The following SCAPER variants were observed in gnomAD, a reference collection of about 807,000 sequenced individuals.
SCAPER encodes the protein S-phase cyclin A associated protein in the ER.
Under a neutral mutation model 182.2 loss-of-function variants are expected in SCAPER, and 98 were observed. That is an observed-to-expected ratio of 0.54 (90% CI 0.46 to 0.64). SCAPER has a LOEUF of 0.64. SCAPER is among the 30% of genes least tolerant of loss of function. SCAPER has a pLI of 0.00. For synonymous variants in SCAPER, 605 were observed against 564.6 expected, an observed-to-expected ratio of 1.07 and a Z score of -1.01; for missense variants, 1,432 against 1,690.0, an observed-to-expected ratio of 0.85 and a Z score of 2.68.
At chr15:76,611,211 T>A (rs1397393325) in intron 22 of SCAPER, among the ~76,000 whole-genome samples, 1 of 151,540 alleles carries the variant, frequency 6.6e-6, no homozygotes. Flanking sequence ...AGTATCCTTA[T>A]GCAAAAAAAT....
At chr15:76,545,970 C>T (rs998615556) in intron 23 of SCAPER, among the ~76,000 whole-genome samples, 1 of 152,104 alleles carries the variant, frequency 6.6e-6, no homozygotes, top group East Asian at 1.9e-4. Context: ...CCAGAGCTCA[C>T]ACAGGGCAGG....
intron 26 of SCAPER, among the ~76,000 whole-genome samples, chr15:76,432,626 G>A (rs1360455260): frequency 6.6e-6 from 1 of 152,200 alleles, no homozygotes; most frequent in Non-Finnish European, 1.5e-5. Flanking sequence ...AACACCAGAT[G>A]AAACTCTGTT....
intron 20 of SCAPER, among the ~76,000 whole-genome samples, chr15:76,667,103 C>T (rs1391320575): frequency 6.6e-6 from 1 of 152,192 alleles, no homozygotes; most frequent in Non-Finnish European, 1.5e-5. Flanking sequence ...TTCCTTAGCT[C>T]TCATTCGCTC....
intron 31 of SCAPER, chr15:76,351,013 CT>C (rs1349868876): frequency 2.5e-6 from 1 of 407,506 alleles, no homozygotes; most frequent in East Asian, 3.8e-5. Context: ...GATATTTGTG[CT>C]TTTCTTTTAC....
chr15:76,731,902 T>G (rs1299503244), intron 16 of SCAPER, among the ~76,000 whole-genome samples: 4 of 152,200 alleles, frequency 2.6e-5, no homozygotes, highest in Non-Finnish European at 5.9e-5. Context: ...AGTCATCATT[T>G]TTAAACGAAA....
chr15:76,682,538 C>T lies in SCAPER; in HGVS notation c.2509-16749G>A, dbSNP rs567027560. ...GGCCACAGTCCAGCTCCCACTGCTA[C>T]GCCACCATAGCCAACATGAGTATAC... is the stretch of plus-strand genomic sequence containing the variant. On this transcript the variant is annotated intron_variant, in intron 20 of 31. Transcript: ENST00000563290. 2.0e-3 allele frequency among the ~76,000 whole-genome samples: 299 copies of T among 152,000 alleles called. 1 individual carries two copies. The highest frequency in any genetic ancestry group is 6.9e-3 in the African/African-American group (283 of 41,266).
At chr15:76,518,126 GAAATGTGGGA>G (rs2042576450) in intron 23 of SCAPER, among the ~76,000 whole-genome samples, 2 of 152,184 alleles carry the variant, frequency 1.3e-5, no homozygotes, top group African/African-American at 4.8e-5. Flanking sequence ...AAGGTGGCAG[GAAATGTGGGA>G]AAATGTGGGA....
chr15:76,895,501 T>C (rs1345410474), intron 1 of SCAPER, among the ~76,000 whole-genome samples: 2 of 40,716 alleles, frequency 4.9e-5, no homozygotes, highest in African/African-American at 1.4e-4. Context: ...TTTTTTTTCT[T>C]GACTAAGAAA....
At chr15:76,587,255 T>C (rs944242848) in intron 22 of SCAPER, among the ~76,000 whole-genome samples, 3 of 152,192 alleles carry the variant, frequency 2.0e-5, no homozygotes, top group African/African-American at 7.2e-5. Context: ...GTTTCATTTA[T>C]CTGTTGTATT....
Position 76,497,124 on chromosome 15 carries a change from T to TTTTTTTTTTTTTC in SCAPER, c.2954+7734_2954+7735insGAAAAAAAAAAAA, listed in dbSNP as rs1555456895. ...TTGGTCTCCTCTTTTTTTTTTTTTT[T>TTTTTTTTTTTTTC]CCCAAAACGGCCTTCCTTAGTCCTG... On this transcript the variant is annotated intron_variant, in intron 24 of 31. Coordinates refer to ENST00000563290, the MANE Select transcript of SCAPER (RefSeq NM_020843.4). Among the ~76,000 whole-genome samples, 467 of 139,414 alleles carry TTTTTTTTTTTTTC rather than the reference T, an allele frequency of 3.3e-3. 13 individuals are homozygous for TTTTTTTTTTTTTC. The highest frequency in any genetic ancestry group is 0.01 in the African/African-American group (361 of 35,360). The allele number at this position is 139,414 out of a possible 152,430, so 91.5% of individuals were successfully genotyped here.
chr15:76,847,967 A>G (rs1459044236), intron 4 of SCAPER, among the ~76,000 whole-genome samples: 1 of 152,154 alleles, frequency 6.6e-6, no homozygotes, highest in Non-Finnish European at 1.5e-5. Context: ...CTCTCCCTGT[A>G]TTTAGCAGGT....
Position 76,702,890 on chromosome 15 carries a change from G to A in SCAPER, c.2360C>T (p.Pro787Leu). 1.9e-6 allele frequency: 3 copies of A among 1,608,858 alleles called. No homozygotes were observed. Among genetic ancestry groups the A allele is most frequent in the Non-Finnish European group, 2.5e-6 (3 of 1,178,610 alleles). Residue 787 changes from proline (P) to leucine (L), a missense_variant, in exon 19 of 32, where the codon CCT (proline) becomes CTT (leucine). Pro to Leu is a moderately conservative substitution (Grantham distance 98, BLOSUM62 -3). This residue lies in a region of SCAPER where 718 missense variants were observed against 799.7 expected (regional missense o/e 0.90). Coordinates refer to ENST00000563290, the MANE Select transcript of SCAPER (RefSeq NM_020843.4). ...AGAACACTGCTTCTTTCTTTCATAA[G>A]GGGTCAGTTTGGGGGCATAATCAGT... is the stretch of plus-strand genomic sequence containing the variant. ...ANTDYAPKLTPYERKKQCSLC... is the reference protein window; with the variant it reads ...ANTDYAPKLTLYERKKQCSLC...
chr15:76,759,156 A>C (rs1204885431), intron 14 of SCAPER, among the ~76,000 whole-genome samples: 1 of 152,220 alleles, frequency 6.6e-6, no homozygotes, highest in Non-Finnish European at 1.5e-5. Flanking sequence ...CAAATCATAG[A>C]GAAAAAGCTT....
chr15:76,887,139 C>A (rs889740271), intron 1 of SCAPER, among the ~76,000 whole-genome samples: 2 of 152,102 alleles, frequency 1.3e-5, no homozygotes, highest in Non-Finnish European at 1.5e-5. Context: ...GCACTTGTAC[C>A]CCTGAACTTA....
chr15:76,602,606 G>C lies in SCAPER; in HGVS notation c.2711+19158C>G, dbSNP rs2050004225. On this transcript the variant is annotated intron_variant, in intron 22 of 31. Transcript: ENST00000563290. ...CTAAACTTCCTGGATCTAGGATTTGGTGTCTGTCACTAATTTGGGGAAAAT... is the reference window on the plus strand; with the variant it reads ...CTAAACTTCCTGGATCTAGGATTTGCTGTCTGTCACTAATTTGGGGAAAAT... Among the ~76,000 whole-genome samples the C allele has an allele frequency of 1.7e-5, 2 of 120,482 alleles. 1 individual carries two copies. The highest frequency in any genetic ancestry group is 1.9e-4 in the Admixed American group (2 of 10,348). 79.0% of individuals were successfully genotyped at this position (120,482 alleles called of 152,430 possible).
At chr15:76,769,694 G>C (rs1302503083) in intron 10 of SCAPER, among the ~76,000 whole-genome samples, 1 of 152,084 alleles carries the variant, frequency 6.6e-6, no homozygotes, top group Non-Finnish European at 1.5e-5. Flanking sequence ...TGGAGAAATA[G>C]GAATGCTTTT....
intron 17 of SCAPER, among the ~76,000 whole-genome samples, chr15:76,716,460 C>T (rs1567898109): frequency 6.6e-6 from 1 of 151,634 alleles, no homozygotes; most frequent in Non-Finnish European, 1.5e-5. Flanking sequence ...GTAACTGACC[C>T]CAAAGAAACA....
At chr15:76,406,151 T>C (rs1030131752) in intron 26 of SCAPER, among the ~76,000 whole-genome samples, 45 of 152,246 alleles carry the variant, frequency 3.0e-4, no homozygotes, top group Admixed American at 2.8e-3. Context: ...AAACTGGCTT[T>C]TACATTTGCA....
intron 1 of SCAPER, among the ~76,000 whole-genome samples, chr15:76,897,332 C>T (rs769456545): frequency 7.2e-5 from 11 of 151,958 alleles, no homozygotes; most frequent in Admixed American, 1.3e-4. Context: ...TAGGCTCTGA[C>T]TTAAAATTTT....
Sources: gnomAD v4.1 joint callset for allele counts (sites outside exome capture counted in the v4.1 genomes callset) on GRCh38, gnomAD v4.1.1 for gene constraint, gnomAD v4.1.1 regional missense constraint, MANE v1.5 for transcripts, NCBI Gene and HGNC (gene_info 2026-07-23, HGNC 2026-07-21) for gene names.